The following CASZ1 variants were observed in gnomAD, a reference collection of about 807,000 sequenced individuals.
The protein encoded by CASZ1 is zinc finger protein castor homolog 1.
CASZ1 carries 28 observed loss-of-function variants against 135.2 expected under a neutral mutation model. That is an observed-to-expected ratio of 0.21 (90% CI 0.15 to 0.28). The LOEUF (loss-of-function observed/expected upper bound fraction) is 0.28. Among genes scored for constraint, CASZ1 ranks in the 10% least tolerant of loss-of-function variants. The pLI, the probability that CASZ1 is intolerant of heterozygous loss-of-function variation, is 1.00. For missense variants in CASZ1, 2,161 were observed against 2,453.3 expected, an observed-to-expected ratio of 0.88 and a Z score of 2.52; for synonymous variants, 1,068 against 1,073.4, an observed-to-expected ratio of 0.99 and a Z score of 0.10.
intron 3 of CASZ1, 38 bp from the exon 4 acceptor site, chr1:10,693,950 G>T (rs1638849503): frequency 7.5e-6 from 12 of 1,598,790 alleles, no homozygotes; most frequent in Non-Finnish European, 9.4e-6. Context: ...CGGGAGAGAA[G>T]AAACACGGGG....
intron 5 of CASZ1, chr1:10,660,763 A>C: frequency 3.7e-6 from 2 of 545,942 alleles, no homozygotes; most frequent in Middle Eastern, 4.8e-4. Context: ...GAGTTCATCA[A>C]TGCCAGGAAA....
At position 10,767,766 on chromosome 1, in the gene CASZ1, A is replaced by G. The variant is rs956858510; in HGVS notation, c.-233-6909T>C. On this transcript the variant is annotated intron_variant, in intron 1 of 20. Coordinates refer to ENST00000377022, the MANE Select transcript of CASZ1 (RefSeq NM_001079843.3). The surrounding 1 kb of genome is among the most constrained non-coding windows in gnomAD (Gnocchi z 4.2). ...ACCCACTGCAAGCAGAAAGGGCCAC[A>G]TCAGCAGGTCCGGTTGCAGCTCCCT... 1.6e-4 allele frequency among the ~76,000 whole-genome samples: 25 copies of G among 152,214 alleles called. No homozygotes were observed. Among genetic ancestry groups the G allele is most frequent in the Admixed American group, 3.3e-4 (5 of 15,270 alleles).
rs186410649 is a variant in CASZ1, at chr1:10,789,042, C to A, written c.-234+7522G>T. Among the ~76,000 whole-genome samples, 634 of 152,292 alleles carry A rather than the reference C, an allele frequency of 4.2e-3. 4 individuals are homozygous for A. Among genetic ancestry groups the A allele is most frequent in the African/African-American group, 0.015 (606 of 41,558 alleles). ...AAGGGGGAGCGTGGGGTGGGACAAGCCTCCTCTAACCCTACCCCCACCTGG... is the reference window on the plus strand; with the variant it reads ...AAGGGGGAGCGTGGGGTGGGACAAGACTCCTCTAACCCTACCCCCACCTGG... On this transcript the variant is annotated intron_variant, in intron 1 of 20. Coordinates refer to ENST00000377022, the MANE Select transcript of CASZ1 (RefSeq NM_001079843.3).
intron 3 of CASZ1, among the ~76,000 whole-genome samples, chr1:10,703,823 T>C (rs1639113030): frequency 6.6e-6 from 1 of 152,194 alleles, no homozygotes; most frequent in South Asian, 2.1e-4. Flanking sequence ...TCTCTGCAAG[T>C]ATAGAGTGAA....
At chr1:10,656,373 G>A (rs965308453) in intron 8 of CASZ1, among the ~76,000 whole-genome samples, 3 of 152,250 alleles carry the variant, frequency 2.0e-5, no homozygotes, top group African/African-American at 7.2e-5. Flanking sequence ...GGCTGGCATG[G>A]CCCTGGGCAC....
Position 10,732,480 on chromosome 1 carries a change from G to A in CASZ1, c.-76-26936C>T, listed in dbSNP as rs527386223. On this transcript the variant is annotated intron_variant, in intron 2 of 20. Coordinates refer to ENST00000377022, the MANE Select transcript of CASZ1 (RefSeq NM_001079843.3). ...GGGCAGAAAATACACGTGGTGGAAC[G>A]CAGTGGAGTAGGGCTTCAGCTGCGA... is the stretch of plus-strand genomic sequence containing the variant. Among the ~76,000 whole-genome samples, 4 of 152,218 alleles carry A rather than the reference G, an allele frequency of 2.6e-5. No homozygotes were observed. In the South Asian group the frequency reaches 6.2e-4, roughly 24 times the overall value.
chr1:10,712,687 G>A (rs1011137881), intron 2 of CASZ1, among the ~76,000 whole-genome samples: 2 of 152,182 alleles, frequency 1.3e-5, no homozygotes, highest in Admixed American at 1.3e-4. Flanking sequence ...GAAAGGCTAG[G>A]ATGGTTGCAG....
In CASZ1 at chr1:10,679,513, C is replaced by T. The variant is rs1231624832; in HGVS notation, c.17-13942G>A. Among the ~76,000 whole-genome samples the T allele has an allele frequency of 2.0e-5, 3 of 152,162 alleles. No homozygotes were observed. Among genetic ancestry groups the T allele is most frequent in the Non-Finnish European group, 4.4e-5 (3 of 68,016 alleles). Reference sequence around the variant, plus strand: ...CTACCAAGCAATGTAGCAGCCCCCACATACTCTGGCATTCTCCTAGGGCCC... The same window carrying T: ...CTACCAAGCAATGTAGCAGCCCCCATATACTCTGGCATTCTCCTAGGGCCC... On this transcript the variant is annotated intron_variant, in intron 4 of 20. Transcript: ENST00000377022. The surrounding 1 kb of genome is among the most constrained non-coding windows in gnomAD (Gnocchi z 4.7).
rs568630364 is a variant in CASZ1, at chr1:10,790,897, TG to T, written c.-234+5666del. On this transcript the variant is annotated intron_variant, in intron 1 of 20. Transcript: ENST00000377022. Reference sequence around the variant, plus strand: ...AGGACATCTAGCACATTCTAAAGTTTGGGGGGGGACATCATGAGGAATCTTA... The same window carrying T: ...AGGACATCTAGCACATTCTAAAGTTTGGGGGGGACATCATGAGGAATCTTA... Among the ~76,000 whole-genome samples, 9 of 151,116 alleles carry T rather than the reference TG, an allele frequency of 6.0e-5. No homozygotes were observed. In the South Asian group the frequency reaches 1.5e-3, roughly 25 times the overall value.
Position 10,759,646 on chromosome 1 carries a change from C to T in CASZ1, c.-77+1055G>A, listed in dbSNP as rs575562319. Among the ~76,000 whole-genome samples, 1 of 152,168 alleles carries T rather than the reference C, an allele frequency of 6.6e-6. No individual in the cohort carries two copies. Among genetic ancestry groups the T allele is most frequent in the Non-Finnish European group, 1.5e-5 (1 of 68,026 alleles). On this transcript the variant is annotated intron_variant, in intron 2 of 20. Coordinates refer to ENST00000377022, the MANE Select transcript of CASZ1 (RefSeq NM_001079843.3). The surrounding 1 kb of genome is among the most constrained non-coding windows in gnomAD (Gnocchi z 4.2). The stretch of plus-strand genomic sequence containing the variant: ...AAACCCCAGTGCGCACCAAGGCTCC[C>T]GTCTCTGCAAGCGCTTCCTCCCTGC...
chr1:10,639,745 T>C lies in CASZ1; in HGVS notation c.4477A>G (p.Lys1493Glu), dbSNP rs1642135593. 6.3e-7 allele frequency: 1 copy of C among 1,594,956 alleles called. No homozygotes were observed. The highest frequency in any genetic ancestry group is 1.1e-5 in the South Asian group (1 of 88,616). ...RVDNLVLDDF[K>E]RFKASLSCHF... is the part of the protein sequence containing the mutation. ...CAGCTGAGTGAGGCCTTGAAGCGCT[T>C]GAAGTCGTCCAGCACCAGGTTGTCC... Residue 1493 changes from lysine to glutamate, a missense_variant, in exon 21 of 21, where the codon AAG (lysine) becomes GAG (glutamate). Transcript: ENST00000377022. This position sits in a 1 kb window ranked among gnomAD's most constrained non-coding sequence, Gnocchi z 4.0.
intron 2 of CASZ1, among the ~76,000 whole-genome samples, chr1:10,716,035 CAA>C (rs1639384570): frequency 7.5e-6 from 1 of 134,228 alleles, no homozygotes; most frequent in African/African-American, 2.9e-5. Flanking sequence ...ACCCAATCCA[CAA>C]CCCACAGCAC....
intron 1 of CASZ1, among the ~76,000 whole-genome samples, chr1:10,782,003 G>T (rs1185683521): frequency 6.6e-6 from 1 of 152,216 alleles, no homozygotes; most frequent in Non-Finnish European, 1.5e-5. Flanking sequence ...CCCCTGAGGG[G>T]CCTCCCTGGC....
intron 1 of CASZ1, among the ~76,000 whole-genome samples, chr1:10,772,073 G>T (rs947826923): frequency 6.6e-6 from 1 of 152,244 alleles, no homozygotes; most frequent in East Asian, 1.9e-4. Context: ...GTGACACCTG[G>T]GGGGAGCCTG....
At chr1:10,670,986 G>A (rs1001677675) in intron 4 of CASZ1, among the ~76,000 whole-genome samples, 1 of 152,338 alleles carries the variant, frequency 6.6e-6, no homozygotes, top group African/African-American at 2.4e-5. Context: ...GCCAGGGCCC[G>A]AGGGGTTCAG....
chr1:10,725,613 T>G lies in CASZ1; in HGVS notation c.-76-20069A>C, dbSNP rs1639582102. ...CCACTCCAGATTTTGATATTAACCTTTGAAACTGGAGTTCATTCAGCTACC... is the reference window on the plus strand; with the variant it reads ...CCACTCCAGATTTTGATATTAACCTGTGAAACTGGAGTTCATTCAGCTACC... On this transcript the variant is annotated intron_variant, in intron 2 of 20. Coordinates refer to ENST00000377022, the MANE Select transcript of CASZ1 (RefSeq NM_001079843.3). The surrounding 1 kb of genome is among the most constrained non-coding windows in gnomAD (Gnocchi z 4.4). Among the ~76,000 whole-genome samples the G allele has an allele frequency of 6.6e-6, 1 of 152,198 alleles. No individual in the cohort carries two copies. Among genetic ancestry groups the G allele is most frequent in the African/African-American group, 2.4e-5 (1 of 41,454 alleles).
In CASZ1 at chr1:10,711,332, A is replaced by G. The variant is rs1465652037; in HGVS notation, c.-76-5788T>C. On this transcript the variant is annotated intron_variant, in intron 2 of 20. Coordinates refer to ENST00000377022, the MANE Select transcript of CASZ1 (RefSeq NM_001079843.3). This position sits in a 1 kb window ranked among gnomAD's most constrained non-coding sequence, Gnocchi z 4.4. Reference sequence around the variant, plus strand: ...TTCATTCAGTATTTCTTGGGCACCTACTACATGCTATTAGATCCTTGTCCT... The same window carrying G: ...TTCATTCAGTATTTCTTGGGCACCTGCTACATGCTATTAGATCCTTGTCCT... Among the ~76,000 whole-genome samples, 1 of 152,180 alleles carries G rather than the reference A, an allele frequency of 6.6e-6. No homozygotes were observed. The highest frequency in any genetic ancestry group is 1.5e-5 in the Non-Finnish European group (1 of 68,036).
chr1:10,743,958 C>G (rs1052307822), intron 2 of CASZ1, among the ~76,000 whole-genome samples: 3 of 151,938 alleles, frequency 2.0e-5, no homozygotes, highest in Non-Finnish European at 2.9e-5. Flanking sequence ...AAAATCCAGC[C>G]GCCTCAGGGG....
chr1:10,650,749 T>C lies in CASZ1; in HGVS notation c.2823A>G (p.Glu941=). ...TTGCCGGGACTGCGTGGCCATTTGA[T>C]TCGTTGCTAGAACACACAAACCAAG... The part of the protein sequence containing the change: ...LDLTVKEPSN[E]SNGHAVPANS... Residue 941 remains glutamate, a synonymous_variant, in exon 13 of 21, where the codon GAA becomes GAG. Coordinates refer to ENST00000377022, the MANE Select transcript of CASZ1 (RefSeq NM_001079843.3). 6.2e-7 allele frequency: 1 copy of C among 1,614,140 alleles called. No individual in the cohort carries two copies. Among genetic ancestry groups the C allele is most frequent in the Non-Finnish European group, 8.5e-7 (1 of 1,179,958 alleles).
Sources: gnomAD v4.1 joint callset for allele counts (sites outside exome capture counted in the v4.1 genomes callset) on GRCh38, gnomAD v4.1.1 for gene constraint, Gnocchi (gnomAD v3.1) non-coding constraint, MANE v1.5 for transcripts, NCBI Gene and HGNC (gene_info 2026-07-23, HGNC 2026-07-21) for gene names.